The following RUNX1 variants were observed in gnomAD, a reference collection of about 807,000 sequenced individuals.
RUNX1 encodes the protein RUNX family transcription factor 1.
RUNX1 carries 19 observed loss-of-function variants against 42.8 expected under a neutral mutation model. The observed-to-expected ratio is 0.44, with a 90% CI of 0.31 to 0.65. RUNX1 has a LOEUF of 0.65. Among genes scored for constraint, RUNX1 ranks in the 30% least tolerant of loss-of-function variants. RUNX1 has a pLI of 0.07. For missense variants in RUNX1, 528 were observed against 672.0 expected (o/e 0.79, Z 2.37); for synonymous variants, 271 against 289.4 (o/e 0.94, Z 0.64).
intron 2 of RUNX1, among the ~76,000 whole-genome samples, chr21:34,975,456 C>T (rs1158334202): frequency 6.6e-6 from 1 of 152,128 alleles, no homozygotes; most frequent in Non-Finnish European, 1.5e-5. Context: ...TATAAGTAAT[C>T]TAGGGTTGAT....
intron 2 of RUNX1, among the ~76,000 whole-genome samples, chr21:34,996,936 A>G (rs887614225): frequency 3.3e-5 from 5 of 152,248 alleles, no homozygotes. Context: ...TGCAAATCTC[A>G]GAAACATTGC....
intron 2 of RUNX1, among the ~76,000 whole-genome samples, chr21:34,974,425 G>A (rs1384503431): frequency 6.6e-6 from 1 of 151,956 alleles, no homozygotes; most frequent in Non-Finnish European, 1.5e-5. Flanking sequence ...GGTTCAGTGT[G>A]GTTTTTACTC....
intron 3 of RUNX1, chr21:34,889,559 A>T: frequency 1.6e-6 from 1 of 624,860 alleles, no homozygotes; most frequent in Non-Finnish European, 2.1e-6. Context: ...TAGCGCCGGC[A>T]CCCGCAGCAG....
chr21:34,906,315 T>C (rs1247622740), intron 2 of RUNX1, among the ~76,000 whole-genome samples: 1 of 152,208 alleles, frequency 6.6e-6, no homozygotes, highest in Non-Finnish European at 1.5e-5. Context: ...TAAGTGTTGC[T>C]AGTCCGTGAG....
chr21:34,809,519 C>A (rs559903537), intron 7 of RUNX1, among the ~76,000 whole-genome samples: 5 of 152,124 alleles, frequency 3.3e-5, no homozygotes, highest in African/African-American at 9.6e-5. Context: ...ACAGAATTTT[C>A]TGAAGAACAC....
chr21:34,913,618 A>G (rs1310140139), intron 2 of RUNX1, among the ~76,000 whole-genome samples: 2 of 152,068 alleles, frequency 1.3e-5, no homozygotes, highest in African/African-American at 4.8e-5. Flanking sequence ...ACTTTGCACC[A>G]CCCTATGCCA....
intron 7 of RUNX1, chr21:34,821,405 C>G (rs910878922): frequency 8.6e-5 from 112 of 1,304,484 alleles, no homozygotes; most frequent in Non-Finnish European, 8.4e-5. Flanking sequence ...CAATGCTTCC[C>G]ATGTGCTGTG....
At chr21:34,990,289 T>G (rs1282307986) in intron 2 of RUNX1, among the ~76,000 whole-genome samples, 1 of 152,218 alleles carries the variant, frequency 6.6e-6, no homozygotes, top group Non-Finnish European at 1.5e-5. Flanking sequence ...TTGTTTGTGA[T>G]GCAAGTAGGG....
chr21:34,850,045 A>T (rs925869567), intron 6 of RUNX1, among the ~76,000 whole-genome samples: 2 of 152,162 alleles, frequency 1.3e-5, no homozygotes, highest in African/African-American at 2.4e-5. Flanking sequence ...ACAACAAAAA[A>T]AACTGAAGCC....
intron 6 of RUNX1, among the ~76,000 whole-genome samples, chr21:34,846,766 T>C (rs2057323172): frequency 6.6e-6 from 1 of 152,164 alleles, no homozygotes; most frequent in South Asian, 2.1e-4. Context: ...TCCAGTTCTT[T>C]CTCCCTGCAC....
chr21:35,028,632 G>C (rs1036244213), intron 2 of RUNX1, among the ~76,000 whole-genome samples: 1 of 152,206 alleles, frequency 6.6e-6, no homozygotes, highest in Non-Finnish European at 1.5e-5. Context: ...TTTGTTGACT[G>C]AATATTTCTC....
At chr21:34,928,222 T>C (rs761338642) in intron 2 of RUNX1, among the ~76,000 whole-genome samples, 13 of 151,732 alleles carry the variant, frequency 8.6e-5, no homozygotes, top group Non-Finnish European at 1.8e-4. Context: ...GAGTGTAGAG[T>C]TATGGAACGT....
At chr21:34,939,818 T>G (rs1892688) in intron 2 of RUNX1, among the ~76,000 whole-genome samples, 13,057 of 152,294 alleles carry the variant, frequency 0.086, 800 homozygotes, top group African/African-American at 0.17. Context: ...TCAAATGCTG[T>G]GATCTTTGTA....
rs769213771 is a variant in RUNX1, at chr21:34,887,012, G to C, written c.182C>G (p.Pro61Arg). 1 of 1,602,336 alleles carries C rather than the reference G, an allele frequency of 6.2e-7. No individual in the cohort carries two copies. Among genetic ancestry groups the C allele is most frequent in the Non-Finnish European group, 8.5e-7 (1 of 1,177,944 alleles). Residue 61 changes from proline (P) to arginine (R), a missense_variant, in exon 4 of 9, where the codon CCG becomes CGG. This residue lies in a region of RUNX1 where 114 missense variants were observed against 115.0 expected (regional missense o/e 0.99). Coordinates refer to ENST00000675419, the MANE Select transcript of RUNX1 (RefSeq NM_001754.5). ...GCCGGCCAGGGCAGCGCCGGCGTCCGGGGCGCCCAGCGGCAACGCCTCGCT... is the reference window on the plus strand; with the variant it reads ...GCCGGCCAGGGCAGCGCCGGCGTCCCGGGCGCCCAGCGGCAACGCCTCGCT... ...KMSEALPLGAPDAGAALAGKL... is the reference protein window; with the variant it reads ...KMSEALPLGARDAGAALAGKL...
At position 34,865,377 on chromosome 21, in the gene RUNX1, T is replaced by C. The variant is rs369709125; in HGVS notation, c.509-5799A>G. On this transcript the variant is annotated intron_variant, in intron 5 of 8. Coordinates refer to ENST00000675419, the MANE Select transcript of RUNX1 (RefSeq NM_001754.5). ...GCCTAAACGCAACTTGAACTTCAAG[T>C]TCAAGTTCACTCCTGCCCCGCCAGC... 5.4e-5 allele frequency among the ~76,000 whole-genome samples: 8 copies of C among 148,900 alleles called. No individual in the cohort carries two copies. In the South Asian group the frequency reaches 8.8e-4, roughly 16 times the overall value.
chr21:34,934,513 T>C (rs553944819), intron 2 of RUNX1, among the ~76,000 whole-genome samples: 3 of 152,224 alleles, frequency 2.0e-5, no homozygotes, highest in African/African-American at 7.2e-5. Flanking sequence ...GCCACACAAA[T>C]ATTGGTCCAG....
intron 5 of RUNX1, among the ~76,000 whole-genome samples, chr21:34,864,858 TG>T (rs2057634517): frequency 6.6e-6 from 1 of 152,170 alleles, no homozygotes; most frequent in Non-Finnish European, 1.5e-5. Flanking sequence ...TTTGTCTTGA[TG>T]TAGGCTTGGA....
intron 2 of RUNX1, among the ~76,000 whole-genome samples, chr21:34,951,261 A>C (rs962727402): frequency 6.6e-6 from 1 of 152,254 alleles, no homozygotes; most frequent in Admixed American, 6.5e-5. Context: ...CTGTCACTCA[A>C]ACTTGAGAAG....
At chr21:35,008,847 C>T (rs1352327125) in intron 2 of RUNX1, among the ~76,000 whole-genome samples, 2 of 152,152 alleles carry the variant, frequency 1.3e-5, no homozygotes, top group Non-Finnish European at 2.9e-5. Context: ...GATAAAATTA[C>T]ACTTCTATTA....
Sources: allele counts gnomAD v4.1 joint callset (sites outside exome capture counted in the v4.1 genomes callset), GRCh38; gene constraint gnomAD v4.1.1; regional missense constraint gnomAD v4.1.1; transcripts MANE v1.5; gene names NCBI Gene and HGNC (gene_info 2026-07-23, HGNC 2026-07-21).